The following NPAS3 variants were observed in gnomAD, a reference collection of about 807,000 sequenced individuals.
The protein encoded by NPAS3 is neuronal PAS domain-containing protein 3.
In NPAS3, 14 loss-of-function variants were observed where a neutral mutation model predicts 73.1. The observed-to-expected ratio is 0.19, with a 90% CI of 0.13 to 0.30. The LOEUF (loss-of-function observed/expected upper bound fraction) is 0.30. Among genes scored for constraint, NPAS3 ranks in the 10% least tolerant of loss-of-function variants. The pLI is 1.00. For missense variants in NPAS3, 1,096 were observed against 1,250.0 expected, an observed-to-expected ratio of 0.88 and a Z score of 1.86; for synonymous variants, 620 against 541.5, an observed-to-expected ratio of 1.14 and a Z score of -2.01.
At chr14:33,014,752 A>G (rs2039333541) in intron 1 of NPAS3, among the ~76,000 whole-genome samples, 2 of 152,246 alleles carry the variant, frequency 1.3e-5, no homozygotes, top group African/African-American at 4.8e-5. Context: ...AGAAGAAAAG[A>G]ACACCAGCGG....
intron 3 of NPAS3, among the ~76,000 whole-genome samples, chr14:33,323,783 C>T (rs17476068): frequency 0.18 from 26,959 of 152,206 alleles, 2,471 homozygotes; most frequent in Non-Finnish European, 0.19. Flanking sequence ...CTTACGCCAT[C>T]ATTTAGTAAA....
At chr14:33,784,751 T>TTTTTTTTTTTA (rs2063110437) in intron 9 of NPAS3, among the ~76,000 whole-genome samples, 1 of 114,876 alleles carries the variant, frequency 8.7e-6, no homozygotes, top group African/African-American at 3.9e-5. Context: ...ATTTATTTTT[T>TTTTTTTTTTTA]TTTTTTTTTT....
chr14:33,196,024 GT>G (rs1321383885), intron 2 of NPAS3, among the ~76,000 whole-genome samples: 1 of 152,174 alleles, frequency 6.6e-6, no homozygotes, highest in African/African-American at 2.4e-5. Flanking sequence ...AAATCCTTTT[GT>G]TTTAAGGTGA....
intron 4 of NPAS3, among the ~76,000 whole-genome samples, chr14:33,436,398 C>G (rs1320156436): frequency 6.6e-6 from 1 of 152,092 alleles, no homozygotes; most frequent in Non-Finnish European, 1.5e-5. Context: ...ACCTTTAAAC[C>G]TTTTGACGTT....
At chr14:33,369,045 T>C (rs1300753287) in intron 4 of NPAS3, among the ~76,000 whole-genome samples, 1 of 152,152 alleles carries the variant, frequency 6.6e-6, no homozygotes, top group Non-Finnish European at 1.5e-5. Flanking sequence ...AATTTAAAAC[T>C]AACACAAACT....
chr14:33,766,350 C>A (rs1213656107), intron 7 of NPAS3, among the ~76,000 whole-genome samples: 1 of 152,198 alleles, frequency 6.6e-6, no homozygotes, highest in East Asian at 1.9e-4. Flanking sequence ...AAGCATCAAA[C>A]TATATGCTCC....
intron 3 of NPAS3, among the ~76,000 whole-genome samples, chr14:33,252,146 G>A (rs935608628): frequency 2.0e-5 from 3 of 151,030 alleles, no homozygotes; most frequent in African/African-American, 4.9e-5. Context: ...AACTCATGAC[G>A]AGCTATTGTG....
At chr14:33,554,361 T>TA (rs1332994287) in intron 4 of NPAS3, among the ~76,000 whole-genome samples, 3 of 152,216 alleles carry the variant, frequency 2.0e-5, no homozygotes, top group Non-Finnish European at 4.4e-5. Flanking sequence ...GATTATACTC[T>TA]ATCACGTATG....
intron 3 of NPAS3, among the ~76,000 whole-genome samples, chr14:33,242,323 T>C (rs1256038032): frequency 6.6e-6 from 1 of 152,112 alleles, no homozygotes; most frequent in Admixed American, 6.6e-5. Context: ...CCTTCTGCTA[T>C]AAAAGTCAGG....
intron 3 of NPAS3, among the ~76,000 whole-genome samples, chr14:33,307,410 T>C (rs1332587434): frequency 1.3e-5 from 2 of 152,192 alleles, no homozygotes; most frequent in African/African-American, 4.8e-5. Flanking sequence ...AAAATGATAC[T>C]GTTAGCATTT....
At chr14:33,601,373 C>T (rs2057394071) in intron 5 of NPAS3, among the ~76,000 whole-genome samples, 1 of 152,024 alleles carries the variant, frequency 6.6e-6, no homozygotes, top group South Asian at 2.1e-4. Flanking sequence ...TGAACACAGC[C>T]CTTGATTCAC....
At chr14:33,139,590 C>G (rs1008244952) in intron 2 of NPAS3, among the ~76,000 whole-genome samples, 2 of 152,146 alleles carry the variant, frequency 1.3e-5, no homozygotes, top group African/African-American at 4.8e-5. Context: ...ATTCCTCAGA[C>G]TTTCTCCTCC....
At chr14:33,793,514 C>A (rs148653434) in intron 9 of NPAS3, among the ~76,000 whole-genome samples, 2 of 152,332 alleles carry the variant, frequency 1.3e-5, no homozygotes, top group South Asian at 2.1e-4. Context: ...AAGAGGTCTA[C>A]CTCCAAGCTA....
chr14:33,135,536 A>G (rs1354965875), intron 2 of NPAS3, among the ~76,000 whole-genome samples: 1 of 152,196 alleles, frequency 6.6e-6, no homozygotes, highest in Non-Finnish European at 1.5e-5. Flanking sequence ...TTTCTTTGTC[A>G]TAAGAGAATT....
At chr14:32,977,844 G>C (rs1287239586) in intron 1 of NPAS3, among the ~76,000 whole-genome samples, 1 of 152,072 alleles carries the variant, frequency 6.6e-6, no homozygotes, top group African/African-American at 2.4e-5. Context: ...ATCTATTTTG[G>C]TTTCTTATTT....
intron 3 of NPAS3, among the ~76,000 whole-genome samples, chr14:33,351,643 T>C (rs904032338): frequency 6.6e-6 from 1 of 152,250 alleles, no homozygotes; most frequent in Non-Finnish European, 1.5e-5. Context: ...TTTTGTGTAC[T>C]CTCACAAAAG....
intron 3 of NPAS3, among the ~76,000 whole-genome samples, chr14:33,319,675 G>C (rs556514933): frequency 3.5e-4 from 53 of 152,218 alleles, no homozygotes; most frequent in Admixed American, 3.4e-3. Context: ...AAAGTGTACA[G>C]AGTGGAGGAG....
intron 5 of NPAS3, among the ~76,000 whole-genome samples, chr14:33,566,980 T>A (rs1177004007): frequency 6.6e-6 from 1 of 152,232 alleles, no homozygotes; most frequent in Non-Finnish European, 1.5e-5. Context: ...TTCAGGACCG[T>A]TGGTGTTTGG....
chr14:33,650,078 G>A (rs191810582), intron 5 of NPAS3, among the ~76,000 whole-genome samples: 153 of 152,344 alleles, frequency 1.0e-3, no homozygotes, highest in African/African-American at 3.4e-3. Context: ...ATGGGACCAG[G>A]AGGATGTGTT....
Sources: allele counts gnomAD v4.1 joint callset (sites outside exome capture counted in the v4.1 genomes callset), GRCh38; gene constraint gnomAD v4.1.1; transcripts MANE v1.5; gene names NCBI Gene and HGNC (gene_info 2026-07-23, HGNC 2026-07-21).